The following GABRB2 variants were observed in gnomAD, a reference collection of about 807,000 sequenced individuals.
GABRB2 encodes the protein gamma-aminobutyric acid receptor subunit beta-2.
A neutral mutation model predicts 54.7 loss-of-function variants in GABRB2; 16 were observed. That is an observed-to-expected ratio of 0.29 (90% CI 0.20 to 0.44). GABRB2 has a LOEUF of 0.44. Among genes scored for constraint, GABRB2 ranks in the 20% least tolerant of loss-of-function variants. GABRB2 has a pLI of 1.00. For missense variants in GABRB2, 355 were observed against 644.0 expected, an observed-to-expected ratio of 0.55 and a Z score of 4.86; for synonymous variants, 244 against 233.8, an observed-to-expected ratio of 1.04 and a Z score of -0.40.
At chr5:161,417,186 A>T (rs983425240) in intron 4 of GABRB2, among the ~76,000 whole-genome samples, 1 of 152,196 alleles carries the variant, frequency 6.6e-6, no homozygotes, top group Admixed American at 6.5e-5. Context: ...TTTCCCTTAT[A>T]ATATGCTCTT....
intron 3 of GABRB2, among the ~76,000 whole-genome samples, chr5:161,527,645 A>G (rs559555010): frequency 1.3e-5 from 2 of 151,758 alleles, no homozygotes; most frequent in South Asian, 4.1e-4. Context: ...GAATTGTCCA[A>G]TAGAAAATAA....
At chr5:161,381,593 G>C (rs1483516521) in intron 5 of GABRB2, among the ~76,000 whole-genome samples, 2 of 152,138 alleles carry the variant, frequency 1.3e-5, no homozygotes, top group Non-Finnish European at 2.9e-5. Flanking sequence ...TTATTCTGAA[G>C]GGGGTGAGTG....
At chr5:161,441,545 G>T (rs1312140348) in intron 4 of GABRB2, among the ~76,000 whole-genome samples, 2 of 152,174 alleles carry the variant, frequency 1.3e-5, no homozygotes, top group Admixed American at 1.3e-4. Context: ...GAACAGTTTG[G>T]TGGTTCCTCA....
At chr5:161,522,323 T>C (rs1760139429) in intron 3 of GABRB2, among the ~76,000 whole-genome samples, 1 of 151,732 alleles carries the variant, frequency 6.6e-6, no homozygotes, top group Admixed American at 6.6e-5. Context: ...CATTACCATA[T>C]AAAAAATACA....
intron 5 of GABRB2, among the ~76,000 whole-genome samples, chr5:161,396,019 A>T (rs1411102293): frequency 6.6e-6 from 1 of 152,174 alleles, no homozygotes; most frequent in African/African-American, 2.4e-5. Flanking sequence ...GCATTCTATA[A>T]CCAAAGAAAA....
chr5:161,353,968 A>G (rs113562920), intron 5 of GABRB2, among the ~76,000 whole-genome samples: 3,665 of 152,180 alleles, frequency 0.024, 149 homozygotes, highest in African/African-American at 0.082. Context: ...CCCAAACTAC[A>G]TTATCTTTAT....
chr5:161,309,085 G>A (rs1328618438), intron 9 of GABRB2, among the ~76,000 whole-genome samples: 1 of 151,780 alleles, frequency 6.6e-6, no homozygotes, highest in African/African-American at 2.4e-5. Flanking sequence ...CAGAATGAGA[G>A]AACATTTTTG....
chr5:161,536,968 T>C (rs557857743), intron 3 of GABRB2, among the ~76,000 whole-genome samples: 29 of 152,050 alleles, frequency 1.9e-4, no homozygotes, highest in African/African-American at 6.8e-4. Context: ...AAAAGTGTAG[T>C]CTTCGACCAC....
chr5:161,490,760 G>T (rs147644810), intron 3 of GABRB2, among the ~76,000 whole-genome samples: 1 of 151,688 alleles, frequency 6.6e-6, no homozygotes, highest in Admixed American at 6.6e-5. Context: ...ATAAAAACAC[G>T]TAAGTGCCTC....
intron 3 of GABRB2, among the ~76,000 whole-genome samples, chr5:161,487,170 G>T (rs1758951772): frequency 6.6e-6 from 1 of 151,870 alleles, no homozygotes; most frequent in Non-Finnish European, 1.5e-5. Context: ...CTCATCTTTT[G>T]TTCCTTGCTC....
chr5:161,475,224 A>G (rs1214818951), intron 3 of GABRB2, among the ~76,000 whole-genome samples: 1 of 152,022 alleles, frequency 6.6e-6, no homozygotes, highest in African/African-American at 2.4e-5. Context: ...AGAATTACAC[A>G]TGACATGTGA....
chr5:161,313,997 G>A (rs1291071903), intron 9 of GABRB2, among the ~76,000 whole-genome samples: 10 of 152,226 alleles, frequency 6.6e-5, no homozygotes, highest in Admixed American at 1.3e-4. Context: ...GAAAAGTTTC[G>A]TGTTATACTG....
At chr5:161,528,902 A>G (rs1581061064) in intron 3 of GABRB2, among the ~76,000 whole-genome samples, 1 of 151,914 alleles carries the variant, frequency 6.6e-6, no homozygotes, top group East Asian at 1.9e-4. Context: ...ATACAACACA[A>G]TTGTTATTTC....
intron 5 of GABRB2, among the ~76,000 whole-genome samples, chr5:161,370,235 G>A (rs939799711): frequency 2.0e-5 from 3 of 152,172 alleles, no homozygotes; most frequent in Non-Finnish European, 4.4e-5. Context: ...AGATAGACTT[G>A]CTAAAAAGGA....
intron 3 of GABRB2, among the ~76,000 whole-genome samples, chr5:161,516,537 G>C (rs889583442): frequency 2.6e-5 from 4 of 152,138 alleles, no homozygotes; most frequent in Admixed American, 2.6e-4. Flanking sequence ...TAAATAATAA[G>C]GGAGCAAACA....
At chr5:161,436,328 C>T (rs1427446766) in intron 4 of GABRB2, among the ~76,000 whole-genome samples, 3 of 152,054 alleles carry the variant, frequency 2.0e-5, no homozygotes, top group Non-Finnish European at 4.4e-5. Context: ...GTCAGTAGGT[C>T]GAGACCAGCC....
rs763803882 is a variant in GABRB2 at position 161,334,821 on chromosome 5, G to A, written c.763C>T (p.Leu255=). The A allele has an allele frequency of 1.2e-6, 2 of 1,613,998 alleles. No individual in the cohort carries two copies. The highest frequency in any genetic ancestry group is 1.7e-6 in the Non-Finnish European group (2 of 1,179,890). Residue 255 remains leucine (L), a synonymous_variant, in exon 7 of 10, where the codon CTG becomes TTG. Coordinates refer to ENST00000393959, the MANE Select transcript of GABRB2 (RefSeq NM_001371727.1). Reference sequence around the variant, plus strand: ...GAGACCCAGGAGAGGATGGTAATCAGGATGGAAGGCATGTATGTTTGCAGG... The same window carrying A: ...GAGACCCAGGAGAGGATGGTAATCAAGATGGAAGGCATGTATGTTTGCAGG... ...FILQTYMPSI[L]ITILSWVSFW...
rs540560003 is a variant in GABRB2, at chr5:161,385,580, C to A, written c.541+25395G>T. On this transcript the variant is annotated intron_variant, in intron 5 of 9. Coordinates refer to ENST00000393959, the MANE Select transcript of GABRB2 (RefSeq NM_001371727.1). ...TGTTAGCATTTTGTGGTTTAAGAAT[C>A]ACTATATTCATAAAATCTGAAAACA... 9.3e-4 allele frequency among the ~76,000 whole-genome samples: 142 copies of A among 152,226 alleles called. 3 individuals are homozygous for A. The South Asian group carries it at 0.024, about 26-fold the overall frequency.
chr5:161,341,761 A>C (rs1411648796), intron 5 of GABRB2, among the ~76,000 whole-genome samples: 1 of 150,874 alleles, frequency 6.6e-6, no homozygotes, highest in African/African-American at 2.4e-5. Context: ...GCATTTTAAA[A>C]AGTTATTTTC....
Sources: allele counts gnomAD v4.1 joint callset (sites outside exome capture counted in the v4.1 genomes callset), GRCh38; gene constraint gnomAD v4.1.1; transcripts MANE v1.5; gene names NCBI Gene and HGNC (gene_info 2026-07-23, HGNC 2026-07-21).